The following SYT16 variants were observed in gnomAD, a reference collection of about 807,000 sequenced individuals.
The protein encoded by SYT16 is synaptotagmin 16.
Under a neutral mutation model 61.4 loss-of-function variants are expected in SYT16, and 42 were observed. The observed-to-expected ratio is 0.68, with a 90% CI of 0.53 to 0.89. SYT16 has a LOEUF of 0.89. Ranked by LOEUF, SYT16 falls within the 40% of genes least tolerant of loss-of-function variation. The pLI is 0.00. For synonymous variants in SYT16, 314 were observed against 302.3 expected (o/e 1.04, Z -0.40); for missense variants, 804 against 807.3 (o/e 1.00, Z 0.05).
intron 2 of SYT16, 111 bp from the exon 3 acceptor site, chr14:61,995,765 T>C: frequency 2.7e-6 from 1 of 369,514 alleles, no homozygotes; most frequent in East Asian, 4.1e-5. Flanking sequence ...AAGATTTTCC[T>C]GATGATCCCT....
At chr14:62,034,543 AT>A (rs2054430910) in intron 3 of SYT16, among the ~76,000 whole-genome samples, 1 of 152,194 alleles carries the variant, frequency 6.6e-6, no homozygotes, top group African/African-American at 2.4e-5. Flanking sequence ...AACTACTGAC[AT>A]ATGCTACAAC....
chr14:61,894,291 TAAA>T (rs777805364), intron 1 of SYT16, among the ~76,000 whole-genome samples: 1 of 129,482 alleles, frequency 7.7e-6, no homozygotes. Context: ...GTCTCGAAAT[TAAA>T]AAAAAAAAAA....
At chr14:61,884,130 C>T in intron 1 of SYT16, among the ~76,000 whole-genome samples, 1 of 152,168 alleles carries the variant, frequency 6.6e-6, no homozygotes, top group East Asian at 1.9e-4. Flanking sequence ...CAACTACACA[C>T]CCATCAGTGG....
In SYT16 at chr14:62,104,194, T is replaced by C. The variant is rs1043157104; in HGVS notation, c.*3487T>C. 8 of 152,210 alleles carry C rather than the reference T, an allele frequency of 5.3e-5. No individual in the cohort carries two copies. The highest frequency in any genetic ancestry group is 1.9e-4 in the African/African-American group (8 of 41,454). 9.4% of individuals were successfully genotyped at this position (152,210 alleles called of 1,614,324 possible). ...ACTGTGGGTTTCCAAAAAAACTGGT[T>C]ATCCTTTTGCAGCAGAGGACTTAGT... On this transcript the variant is annotated 3_prime_UTR_variant, in exon 8 of 8. Transcript: ENST00000683842.
chr14:61,868,470 CT>C (rs1175554084), intron 1 of SYT16, among the ~76,000 whole-genome samples: 6 of 151,862 alleles, frequency 4.0e-5, no homozygotes, highest in Non-Finnish European at 8.8e-5. Context: ...ATAAGCACTA[CT>C]TTTGCTGCAT....
At chr14:62,007,239 C>T (rs1189826444) in intron 3 of SYT16, among the ~76,000 whole-genome samples, 5 of 152,138 alleles carry the variant, frequency 3.3e-5, no homozygotes, top group East Asian at 1.9e-4. Context: ...TGCATTCCAC[C>T]TTTCCTTCCT....
intron 1 of SYT16, among the ~76,000 whole-genome samples, chr14:61,893,999 G>T (rs1337670304): frequency 6.6e-6 from 1 of 151,512 alleles, no homozygotes; most frequent in East Asian, 1.9e-4. Flanking sequence ...GGAAAAAAAG[G>T]CCTGGCTGGC....
chr14:62,055,503 T>C (rs72718577), intron 3 of SYT16, among the ~76,000 whole-genome samples: 9,278 of 152,246 alleles, frequency 0.061, 345 homozygotes, highest in Middle Eastern at 0.16. Context: ...CTACCTGTGG[T>C]GAGGGTTTTG....
chr14:62,070,521 G>C (rs2056258621), intron 4 of SYT16, among the ~76,000 whole-genome samples: 1 of 152,150 alleles, frequency 6.6e-6, no homozygotes, highest in Non-Finnish European at 1.5e-5. Context: ...CAGCCAGCTT[G>C]GGATGTTGGG....
intron 3 of SYT16, among the ~76,000 whole-genome samples, chr14:62,043,697 G>A (rs150225630): frequency 1.3e-3 from 199 of 148,350 alleles, no homozygotes; most frequent in African/African-American, 4.5e-3. Context: ...ATGAGCCACC[G>A]CGCCCAGCCT....
chr14:62,110,667 T>A lies in SYT16; in HGVS notation c.*9960T>A, dbSNP rs971884009. On this transcript the variant is annotated 3_prime_UTR_variant, in exon 8 of 8. Coordinates refer to ENST00000683842, the MANE Select transcript of SYT16 (RefSeq NM_001367656.1). The stretch of plus-strand genomic sequence containing the variant: ...CTAGAAATAAAATATTAGGTTCTAA[T>A]TTTTTTTTGTTCAAACACTGATCAT... The A allele has an allele frequency of 6.6e-6, 1 of 151,516 alleles. No individual in the cohort carries two copies. Among genetic ancestry groups the A allele is most frequent in the Non-Finnish European group, 1.5e-5 (1 of 67,724 alleles). The allele number at this position is 151,516 out of a possible 1,614,324, so 9.4% of individuals were successfully genotyped here. A position where few individuals can be genotyped will look rare whatever the true frequency, so the allele number is the denominator to read the frequency against.
At chr14:61,849,255 C>T (rs1338273768) in intron 1 of SYT16, among the ~76,000 whole-genome samples, 4 of 152,062 alleles carry the variant, frequency 2.6e-5, no homozygotes, top group Admixed American at 2.0e-4. Context: ...TTTTTTGGAG[C>T]TGTGAGCTGC....
chr14:61,983,282 A>G (rs2052163300), intron 2 of SYT16, among the ~76,000 whole-genome samples: 1 of 152,204 alleles, frequency 6.6e-6, no homozygotes, highest in Non-Finnish European at 1.5e-5. Flanking sequence ...TTAAAAATAT[A>G]TGTGTTCCTC....
At position 62,107,600 on chromosome 14, in the gene SYT16, A is replaced by G. The variant is rs943892350; in HGVS notation, c.*6893A>G. ...CTGATAAGAAATCTAGGTAAATAAT[A>G]AGATCTTTTATTAACCTTGAATTTT... is the stretch of plus-strand genomic sequence containing the variant. On this transcript the variant is annotated 3_prime_UTR_variant, in exon 8 of 8. Coordinates refer to ENST00000683842, the MANE Select transcript of SYT16 (RefSeq NM_001367656.1). 3.9e-5 allele frequency: 6 copies of G among 152,186 alleles called. No individual in the cohort carries two copies. The highest frequency in any genetic ancestry group is 7.3e-5 in the Non-Finnish European group (5 of 68,028). 9.4% of individuals were successfully genotyped at this position (152,186 alleles called of 1,614,324 possible).
At chr14:61,932,262 G>A (rs2049802478) in intron 1 of SYT16, among the ~76,000 whole-genome samples, 1 of 152,206 alleles carries the variant, frequency 6.6e-6, no homozygotes, top group African/African-American at 2.4e-5. Flanking sequence ...AACCAAGGGT[G>A]GACCCATGGC....
chr14:61,945,842 C>G lies in SYT16; in HGVS notation c.-324-24290C>G, dbSNP rs545241991. 3.0e-3 allele frequency among the ~76,000 whole-genome samples: 337 copies of G among 111,474 alleles called. 1 individual carries two copies. The highest frequency in any genetic ancestry group is 0.011 in the African/African-American group (324 of 30,702). 73.1% of individuals were successfully genotyped at this position (111,474 alleles called of 152,430 possible). A position where few individuals can be genotyped will look rare whatever the true frequency, so the allele number is the denominator to read the frequency against. On this transcript the variant is annotated intron_variant, in intron 1 of 7. Transcript: ENST00000683842. Reference sequence around the variant, plus strand: ...CTGCACTCCAGCCTGGGCGACAGAGCGAGACTCCGTCTCAAAAAAAAAAAA... The same window carrying G: ...CTGCACTCCAGCCTGGGCGACAGAGGGAGACTCCGTCTCAAAAAAAAAAAA...
At chr14:62,047,643 T>A (rs2055054667) in intron 3 of SYT16, among the ~76,000 whole-genome samples, 1 of 143,950 alleles carries the variant, frequency 6.9e-6, no homozygotes, top group Admixed American at 6.7e-5. Flanking sequence ...TTTTGAGATA[T>A]GTCCCATCAA....
chr14:62,021,006 C>T (rs988609498), intron 3 of SYT16, among the ~76,000 whole-genome samples: 4 of 152,098 alleles, frequency 2.6e-5, no homozygotes, highest in Admixed American at 6.6e-5. Flanking sequence ...TGTCGGTGCC[C>T]TGCTCATGGT....
intron 1 of SYT16, among the ~76,000 whole-genome samples, chr14:61,950,883 G>T (rs1566709538): frequency 6.6e-6 from 1 of 152,138 alleles, no homozygotes; most frequent in Non-Finnish European, 1.5e-5. Context: ...TTGGAAGAGG[G>T]TTTTTGTTTT....
Sources: allele counts gnomAD v4.1 joint callset (sites outside exome capture counted in the v4.1 genomes callset), GRCh38; gene constraint gnomAD v4.1.1; transcripts MANE v1.5; gene names NCBI Gene and HGNC (gene_info 2026-07-23, HGNC 2026-07-21).